Variants in CREB5 observed in about 807,000 individuals in gnomAD.
CREB5 encodes cyclic AMP-responsive element-binding protein 5.
In CREB5, 19 loss-of-function variants were observed where a neutral mutation model predicts 57.1. The observed-to-expected ratio is 0.33, with a 90% CI of 0.23 to 0.49. CREB5 has a LOEUF of 0.49. CREB5 is among the 20% of genes least tolerant of loss of function. The pLI, the probability that CREB5 is intolerant of heterozygous loss-of-function variation, is 0.99. For missense variants in CREB5, 579 were observed against 671.6 expected, an observed-to-expected ratio of 0.86 and a Z score of 1.52; for synonymous variants, 238 against 238.3, an observed-to-expected ratio of 1.00 and a Z score of 0.01.
intron 4 of CREB5, among the ~76,000 whole-genome samples, chr7:28,528,337 C>T (rs1474270442): frequency 2.6e-5 from 4 of 152,216 alleles, no homozygotes; most frequent in Non-Finnish European, 5.9e-5. Context: ...TTTGAAGATG[C>T]TGTGACATCC....
chr7:28,682,680 AG>A (rs1352392311), intron 5 of CREB5, among the ~76,000 whole-genome samples: 1 of 121,590 alleles, frequency 8.2e-6, no homozygotes, highest in Admixed American at 7.6e-5. Flanking sequence ...CAAACCTAAA[AG>A]TGGGGGGGGG....
intron 5 of CREB5, among the ~76,000 whole-genome samples, chr7:28,635,124 G>A (rs1167034164): frequency 2.6e-5 from 4 of 152,138 alleles, no homozygotes; most frequent in Non-Finnish European, 5.9e-5. Flanking sequence ...AGTTAGTAGA[G>A]AAGCTAGGAG....
At chr7:28,654,106 C>T (rs1799243048) in intron 5 of CREB5, among the ~76,000 whole-genome samples, 1 of 152,186 alleles carries the variant, frequency 6.6e-6, no homozygotes, top group South Asian at 2.1e-4. Flanking sequence ...TCCAGATACA[C>T]CAGACCTCTA....
At chr7:28,589,541 G>A (rs935266911) in intron 5 of CREB5, among the ~76,000 whole-genome samples, 1 of 152,082 alleles carries the variant, frequency 6.6e-6, no homozygotes. Context: ...GCGACAGAGC[G>A]ACACTCTGTC....
At chr7:28,630,742 T>A (rs569856766) in intron 5 of CREB5, among the ~76,000 whole-genome samples, 1 of 152,216 alleles carries the variant, frequency 6.6e-6, no homozygotes, top group Admixed American at 6.5e-5. Context: ...CTCAGAAAAA[T>A]TCCAAGTATA....
intron 1 of CREB5, among the ~76,000 whole-genome samples, chr7:28,353,842 C>CAAAAA (rs3041002): frequency 4.5e-4 from 62 of 137,548 alleles, no homozygotes; most frequent in African/African-American, 1.5e-3. Context: ...GACTCCATCT[C>CAAAAA]AAAAAAAAAA....
chr7:28,636,027 A>G (rs1798406120), intron 5 of CREB5, among the ~76,000 whole-genome samples: 1 of 152,236 alleles, frequency 6.6e-6, no homozygotes, highest in Non-Finnish European at 1.5e-5. Flanking sequence ...CACAAAATCA[A>G]AGGATTATAG....
At chr7:28,701,775 A>G (rs1801872401) in intron 5 of CREB5, among the ~76,000 whole-genome samples, 1 of 152,174 alleles carries the variant, frequency 6.6e-6, no homozygotes, top group South Asian at 2.1e-4. Context: ...AATATAATTG[A>G]TTTTTTACCA....
At chr7:28,615,051 T>C (rs1797543732) in intron 5 of CREB5, 1 of 152,232 alleles carries the variant, frequency 6.6e-6, no homozygotes. Flanking sequence ...CCTTTATTAT[T>C]TTTTGAATTA....
At chr7:28,737,561 ATATATATATATATAT>A (rs1804078856) in intron 7 of CREB5, among the ~76,000 whole-genome samples, 1 of 131,786 alleles carries the variant, frequency 7.6e-6, no homozygotes, top group African/African-American at 2.9e-5. Context: ...ATATATATAT[ATATATATATATATAT>A]ATATATATAT....
chr7:28,804,192 G>C lies in CREB5; in HGVS notation c.703-7G>C, dbSNP rs1226802793. 1.2e-6 allele frequency: 2 copies of C among 1,610,272 alleles called. No individual in the cohort carries two copies. Among genetic ancestry groups the C allele is most frequent in the African/African-American group, 1.3e-5 (1 of 74,920 alleles). ...TGTTCTCTCTCCTCCCTTTTGTTCT[G>C]TTTCAGAGGTTGAAGGCTGCATTGA... is the stretch of plus-strand genomic sequence containing the variant. On this transcript the variant is annotated splice_polypyrimidine_tract_variant and splice_region_variant and intron_variant, in intron 7 of 10. Transcript: ENST00000357727.
At chr7:28,332,744 T>C (rs1785740199) in intron 1 of CREB5, among the ~76,000 whole-genome samples, 1 of 152,214 alleles carries the variant, frequency 6.6e-6, no homozygotes, top group Non-Finnish European at 1.5e-5. Flanking sequence ...TCTGCTTTTT[T>C]CCCTCACTAA....
intron 7 of CREB5, among the ~76,000 whole-genome samples, chr7:28,782,238 T>A (rs1807031217): frequency 6.6e-6 from 1 of 152,126 alleles, no homozygotes; most frequent in East Asian, 1.9e-4. Flanking sequence ...TTTTGAAAGG[T>A]TAACAAAGCA....
intron 1 of CREB5, among the ~76,000 whole-genome samples, chr7:28,381,786 A>C (rs542381730): frequency 2.0e-5 from 3 of 152,346 alleles, no homozygotes; most frequent in Non-Finnish European, 4.4e-5. Flanking sequence ...ATCTCTCTCC[A>C]AGAGGAACTT....
chr7:28,311,887 T>G (rs1785285174), intron 1 of CREB5, among the ~76,000 whole-genome samples: 3 of 152,194 alleles, frequency 2.0e-5, no homozygotes, highest in Non-Finnish European at 4.4e-5. Context: ...CCCTCCCCAG[T>G]GTCGGTCTCC....
At chr7:28,687,838 C>A (rs1426792156) in intron 5 of CREB5, among the ~76,000 whole-genome samples, 1 of 151,916 alleles carries the variant, frequency 6.6e-6, no homozygotes, top group Non-Finnish European at 1.5e-5. Flanking sequence ...TGTGAGGAGG[C>A]CTGAGTGTTG....
chr7:28,561,209 A>G (rs1029466707), intron 4 of CREB5, among the ~76,000 whole-genome samples: 84 of 152,176 alleles, frequency 5.5e-4, no homozygotes, highest in African/African-American at 2.0e-3. Context: ...GCAAACATCT[A>G]TGTGGTGGGC....
intron 1 of CREB5, among the ~76,000 whole-genome samples, chr7:28,346,306 T>C (rs960479819): frequency 3.9e-5 from 6 of 152,242 alleles, no homozygotes; most frequent in African/African-American, 1.4e-4. Context: ...ACAGATTCAG[T>C]GTCTGCTGAG....
intron 1 of CREB5, among the ~76,000 whole-genome samples, chr7:28,427,244 A>G (rs866843688): frequency 1.3e-5 from 2 of 152,346 alleles, no homozygotes; most frequent in South Asian, 4.1e-4. Context: ...GAGCATAGAC[A>G]TATTTTAAAA....
Sources: gnomAD v4.1 joint callset for allele counts (sites outside exome capture counted in the v4.1 genomes callset) on GRCh38, gnomAD v4.1.1 for gene constraint, MANE v1.5 for transcripts, NCBI Gene and HGNC (gene_info 2026-07-23, HGNC 2026-07-21) for gene names.